The following PIGK variants were observed in gnomAD, a reference collection of about 807,000 sequenced individuals.
PIGK encodes GPI-anchor transamidase.
PIGK carries 42 observed loss-of-function variants against 50.6 expected under a neutral mutation model. The observed-to-expected ratio is 0.83, with a 90% confidence interval of 0.65 to 1.07. The LOEUF is 1.07. PIGK is among the 50% of genes least tolerant of loss of function. The pLI, the probability that PIGK is intolerant of heterozygous loss-of-function variation, is 0.00. For missense variants in PIGK, 448 were observed against 488.7 expected (o/e 0.92, Z 0.78); for synonymous variants, 151 against 156.0 (o/e 0.97, Z 0.24).
chr1:77,148,682 G>A (rs545813030), intron 9 of PIGK, among the ~76,000 whole-genome samples: 5 of 151,670 alleles, frequency 3.3e-5, no homozygotes, highest in African/African-American at 1.2e-4. Flanking sequence ...TCTCTTTTTT[G>A]GTGATTGAAG....
At chr1:77,143,934 A>G (rs909790618) in intron 9 of PIGK, among the ~76,000 whole-genome samples, 1 of 152,086 alleles carries the variant, frequency 6.6e-6, no homozygotes, top group Admixed American at 6.5e-5. Flanking sequence ...GTGCTTCACT[A>G]TATTTGAGGC....
At chr1:77,093,627 T>C (rs1282883575) in intron 10 of PIGK, among the ~76,000 whole-genome samples, 1 of 152,162 alleles carries the variant, frequency 6.6e-6, no homozygotes, top group Non-Finnish European at 1.5e-5. Context: ...ATGCTTAATA[T>C]AAACTGACCT....
chr1:77,181,637 A>T (rs1397015119), intron 3 of PIGK, among the ~76,000 whole-genome samples: 2 of 152,152 alleles, frequency 1.3e-5, no homozygotes, highest in Non-Finnish European at 2.9e-5. Context: ...AACTGAAATT[A>T]ACACAGCAGG....
At chr1:77,157,084 C>A (rs111234448) in intron 8 of PIGK, among the ~76,000 whole-genome samples, 2,060 of 152,286 alleles carry the variant, frequency 0.014, 47 homozygotes, top group African/African-American at 0.047. Context: ...ACCAATGACA[C>A]TATAAATTTT....
intron 5 of PIGK, among the ~76,000 whole-genome samples, chr1:77,165,605 A>T (rs1655216631): frequency 1.1e-5 from 1 of 91,024 alleles, no homozygotes; most frequent in African/African-American, 8.4e-5. Flanking sequence ...ACTGGTGATA[A>T]AAAAAAAAAA....
chr1:77,163,452 G>A (rs1655171001), intron 6 of PIGK, among the ~76,000 whole-genome samples: 1 of 151,952 alleles, frequency 6.6e-6, no homozygotes, highest in Admixed American at 6.6e-5. Context: ...CATAATTTCA[G>A]CGATTTTTTT....
At chr1:77,157,089 A>G (rs1655025507) in intron 8 of PIGK, among the ~76,000 whole-genome samples, 1 of 152,202 alleles carries the variant, frequency 6.6e-6, no homozygotes, top group Admixed American at 6.5e-5. Flanking sequence ...TGACACTATA[A>G]ATTTTTAAGG....
intron 3 of PIGK, chr1:77,195,350 A>G: frequency 7.9e-7 from 1 of 1,261,716 alleles, no homozygotes; most frequent in East Asian, 2.4e-5. Context: ...CAGCGGGCGG[A>G]GGCACAGGCA....
intron 3 of PIGK, among the ~76,000 whole-genome samples, chr1:77,203,014 A>T (rs1373939901): frequency 3.3e-5 from 5 of 152,232 alleles, no homozygotes; most frequent in African/African-American, 1.2e-4. Flanking sequence ...CAGAGCATGG[A>T]GAACACAATT....
At chr1:77,165,339 T>C (rs1468888100) in intron 5 of PIGK, among the ~76,000 whole-genome samples, 1 of 152,040 alleles carries the variant, frequency 6.6e-6, no homozygotes, top group African/African-American at 2.4e-5. Flanking sequence ...TAAAGTAAAA[T>C]AAAATTTTTC....
chr1:77,089,137 A>T lies in PIGK; in HGVS notation c.*3237T>A, dbSNP rs1271855900. The T allele has an allele frequency of 6.6e-6, 1 of 152,254 alleles. No homozygotes were observed. Among genetic ancestry groups the T allele is most frequent in the African/African-American group, 2.4e-5 (1 of 41,460 alleles). 9.4% of individuals were successfully genotyped at this position (152,254 alleles called of 1,614,324 possible). ...GTTTTTACACTAAGAAAAAAAAATA[A>T]AAATAAAAGCCTGGTTACCACCAAG... On this transcript the variant is annotated 3_prime_UTR_variant, in exon 11 of 11. Transcript: ENST00000370812.
At chr1:77,167,164 G>A (rs866640177) in intron 4 of PIGK, among the ~76,000 whole-genome samples, 83 of 152,122 alleles carry the variant, frequency 5.5e-4, no homozygotes, top group African/African-American at 1.8e-3. Context: ...AACATAGTGA[G>A]ACCCCATTTC....
Position 77,161,631 on chromosome 1 carries a change from G to C in PIGK, c.665C>G (p.Ala222Gly). The change falls in exon 7 of 11, where the codon GCT becomes GGT. Residue 222 changes from alanine (A) to glycine (G), a missense_variant. Coordinates refer to ENST00000370812, the MANE Select transcript of PIGK (RefSeq NM_005482.3). ...YERFYSPNIM[A>G]LASSQVGEDS... ...TTCTCCCACTTGACTACTAGCTAGA[G>C]CCATTATGTTAGGAGAATAAAATCG... 6.4e-7 allele frequency: 1 copy of C among 1,568,180 alleles called. No individual in the cohort carries two copies. Among genetic ancestry groups the C allele is most frequent in the Non-Finnish European group, 8.8e-7 (1 of 1,138,240 alleles).
intron 3 of PIGK, among the ~76,000 whole-genome samples, chr1:77,188,335 C>T (rs903327829): frequency 6.6e-6 from 1 of 152,146 alleles, no homozygotes; most frequent in African/African-American, 2.4e-5. Flanking sequence ...ACAGCCCCCC[C>T]AGGTGCGCCT....
intron 9 of PIGK, among the ~76,000 whole-genome samples, chr1:77,131,686 T>C (rs950507882): frequency 2.6e-5 from 4 of 152,146 alleles, no homozygotes; most frequent in East Asian, 3.8e-4. Flanking sequence ...ATTTAATGTA[T>C]TGATATGATG....
At chr1:77,119,867 AATACGTTATCTATCCATTTATCT>A (rs11268937) in intron 10 of PIGK, among the ~76,000 whole-genome samples, 60,325 of 151,276 alleles carry the variant, frequency 0.4, 14,472 homozygotes, top group African/African-American at 0.66. Flanking sequence ...TACCATTAAA[AATACGTTATCTATCCATTTATCT>A]ATACGTTATC....
At chr1:77,195,355 C>T (rs1656009412) in intron 3 of PIGK, 1 of 1,258,956 alleles carries the variant, frequency 7.9e-7, no homozygotes, top group Non-Finnish European at 1.1e-6. Context: ...GGCGGAGGCA[C>T]AGGCACTTCT....
intron 3 of PIGK, among the ~76,000 whole-genome samples, chr1:77,183,055 G>GA (rs1485649758): frequency 1.3e-5 from 2 of 152,162 alleles, no homozygotes; most frequent in South Asian, 2.1e-4. Flanking sequence ...CTCCTGTAGA[G>GA]AAAGAGTTGA....
At chr1:77,167,279 A>G (rs776069558) in intron 4 of PIGK, among the ~76,000 whole-genome samples, 14 of 152,196 alleles carry the variant, frequency 9.2e-5, no homozygotes, top group Non-Finnish European at 1.6e-4. Flanking sequence ...TGAGCCCAGG[A>G]GTTCACCACT....
Sources: allele counts gnomAD v4.1 joint callset (sites outside exome capture counted in the v4.1 genomes callset), GRCh38; gene constraint gnomAD v4.1.1; transcripts MANE v1.5; gene names NCBI Gene and HGNC (gene_info 2026-07-23, HGNC 2026-07-21).